Variants in NUP160 observed in about 807,000 individuals in gnomAD.
The protein encoded by NUP160 is nuclear pore complex protein Nup160.
A neutral mutation model predicts 196.9 loss-of-function variants in NUP160; 94 were observed. That is an observed-to-expected ratio of 0.48 (90% confidence interval 0.40 to 0.57). NUP160 has a LOEUF of 0.57. Ranked by LOEUF, NUP160 falls within the 20% of genes least tolerant of loss-of-function variation. NUP160 has a pLI of 0.00. For synonymous variants in NUP160, 605 were observed against 619.7 expected, an observed-to-expected ratio of 0.98 and a Z score of 0.35; for missense variants, 1,638 against 1,748.3, an observed-to-expected ratio of 0.94 and a Z score of 1.13.
At chr11:47,836,760 C>A in intron 6 of NUP160, 127 bp downstream of exon 6, 1 of 584,172 alleles carries the variant, frequency 1.7e-6, no homozygotes, top group Non-Finnish European at 3.1e-6. Flanking sequence ...CTGTCTGAAT[C>A]TGGCAGTGAC....
At chr11:47,827,596 C>A (rs1327622251) in intron 7 of NUP160, among the ~76,000 whole-genome samples, 1 of 151,800 alleles carries the variant, frequency 6.6e-6, no homozygotes, top group Non-Finnish European at 1.5e-5. Context: ...GTGGTCCCGG[C>A]AACTCTACTC....
chr11:47,815,272 T>C (rs554097143), intron 13 of NUP160: 7 of 394,822 alleles, frequency 1.8e-5, no homozygotes, highest in Non-Finnish European at 3.1e-5. Context: ...AAAAAAAGTA[T>C]AGAGAATAAC....
chr11:47,795,629 C>T (rs1350717090), intron 27 of NUP160, among the ~76,000 whole-genome samples: 2 of 152,162 alleles, frequency 1.3e-5, no homozygotes, highest in East Asian at 3.8e-4. Flanking sequence ...ATCTCACATT[C>T]CGCTCACATT....
At chr11:47,789,580 G>A (rs1405092323) in intron 29 of NUP160, among the ~76,000 whole-genome samples, 1 of 151,984 alleles carries the variant, frequency 6.6e-6, no homozygotes, top group Non-Finnish European at 1.5e-5. Context: ...CAACATTTTC[G>A]AAGTGCTACC....
At chr11:47,786,511 C>T (rs949364032) in exon 32 of NUP160, 1 of 1,614,078 alleles carries the variant, frequency 6.2e-7, no homozygotes, top group Admixed American at 1.7e-5. Context: ...CAGGCCCAGG[C>T]TTCTGCTTGT....
At chr11:47,832,647 T>G (rs1052148556) in intron 7 of NUP160, among the ~76,000 whole-genome samples, 1 of 152,228 alleles carries the variant, frequency 6.6e-6, no homozygotes. Flanking sequence ...TCGCCCTGCC[T>G]GGCAAACTAT....
intron 8 of NUP160, 54 bp from the exon 9 acceptor site, chr11:47,821,875 C>G: frequency 7.3e-7 from 1 of 1,376,924 alleles, no homozygotes; most frequent in Non-Finnish European, 1.0e-6. Context: ...AGTAGTAGTT[C>G]ACGGTGACTT....
intron 18 of NUP160, among the ~76,000 whole-genome samples, chr11:47,807,671 GA>G (rs993553556): frequency 4.6e-4 from 64 of 137,780 alleles, no homozygotes; most frequent in East Asian, 2.8e-3. Flanking sequence ...CCATCTCCAA[GA>G]AAAAAAAAAA....
Position 47,808,381 on chromosome 11 carries a change from G to A in NUP160, c.2375+15C>T. On this transcript the variant is annotated intron_variant, in intron 18 of 35. Coordinates refer to ENST00000378460, the Ensembl canonical transcript of NUP160. ...CACAATTTACATTTTAAATAATTGG[G>A]ATAATGAAACTCACAGTGTGTCAAG... The A allele has an allele frequency of 2.5e-6, 4 of 1,599,566 alleles. No individual in the cohort carries two copies. Among genetic ancestry groups the A allele is most frequent in the Non-Finnish European group, 3.4e-6 (4 of 1,171,686 alleles).
At chr11:47,797,153 G>GTTCACT (rs746359507) in intron 27 of NUP160, among the ~76,000 whole-genome samples, 88,039 of 151,946 alleles carry the variant, frequency 0.58, 25,771 homozygotes, top group Admixed American at 0.64. Context: ...ATGTGGAAAG[G>GTTCACT]GAGAAGGCTA....
chr11:47,846,205 G>A (rs117792041), intron 2 of NUP160, among the ~76,000 whole-genome samples: 35 of 151,148 alleles, frequency 2.3e-4, no homozygotes, highest in Middle Eastern at 7.0e-3. Flanking sequence ...TTGAACTCCC[G>A]GCCTCAAGAG....
At position 47,808,545 on chromosome 11, in the gene NUP160, A is replaced by G; in HGVS notation, c.2242-16T>C. On this transcript the variant is annotated splice_polypyrimidine_tract_variant and intron_variant, in intron 17 of 35. Coordinates refer to ENST00000378460, the Ensembl canonical transcript of NUP160. Reference sequence around the variant, plus strand: ...CCCAAATCACCTATACATTATGGGTAGGTGGACCAGACAAGAAATTATAGC... The same window carrying G: ...CCCAAATCACCTATACATTATGGGTGGGTGGACCAGACAAGAAATTATAGC... 1 of 1,606,496 alleles carries G rather than the reference A, an allele frequency of 6.2e-7. No homozygotes were observed. The highest frequency in any genetic ancestry group is 8.5e-7 in the Non-Finnish European group (1 of 1,176,760).
chr11:47,822,654 T>C (rs1335715395), intron 7 of NUP160, among the ~76,000 whole-genome samples: 1 of 152,098 alleles, frequency 6.6e-6, no homozygotes. Flanking sequence ...ACATGTGCCA[T>C]GTTGGTGTGC....
chr11:47,811,997 C>T (rs1328731661), intron 17 of NUP160, 67 bp downstream of exon 17: 4 of 1,468,154 alleles, frequency 2.7e-6, no homozygotes, highest in South Asian at 1.2e-5. Context: ...TGACATTTTG[C>T]TCCTAAGTGC....
intron 7 of NUP160, among the ~76,000 whole-genome samples, chr11:47,825,189 C>G (rs1292436121): frequency 1.3e-5 from 2 of 152,150 alleles, no homozygotes; most frequent in African/African-American, 4.8e-5. Flanking sequence ...GAGCTAGTCA[C>G]AAACTCCTGG....
At position 47,793,385 on chromosome 11, in the gene NUP160, C is replaced by A. The variant is rs143292876; in HGVS notation, c.3290-439G>T. On this transcript the variant is annotated intron_variant, in intron 27 of 35. Transcript: ENST00000378460. ...TGGGTTTGATGTAACCCCTGCCCCC[C>A]CTCCCCAAAATCACATGTTGGTGAG... Among the ~76,000 whole-genome samples, 1,102 of 152,136 alleles carry A rather than the reference C, an allele frequency of 7.2e-3. 7 individuals are homozygous for A. The highest frequency in any genetic ancestry group is 0.012 in the Non-Finnish European group (817 of 68,006).
chr11:47,822,504 C>T (rs903499802), intron 7 of NUP160, among the ~76,000 whole-genome samples: 6 of 151,998 alleles, frequency 3.9e-5, no homozygotes, highest in Admixed American at 3.9e-4. Context: ...GATGCGCCTG[C>T]CTCGGCCTCC....
chr11:47,846,953 A>T (rs558896658), intron 2 of NUP160, among the ~76,000 whole-genome samples: 1 of 152,282 alleles, frequency 6.6e-6, no homozygotes, highest in African/African-American at 2.4e-5. Context: ...GTTCCCATCC[A>T]AAAATGCAAT....
intron 5 of NUP160, among the ~76,000 whole-genome samples, chr11:47,837,276 C>T (rs982225504): frequency 5.3e-5 from 8 of 152,080 alleles, no homozygotes; most frequent in African/African-American, 9.7e-5. Context: ...TAATTTTACA[C>T]GAAACTGGAT....
Sources: allele counts gnomAD v4.1 joint callset (sites outside exome capture counted in the v4.1 genomes callset), GRCh38; gene constraint gnomAD v4.1.1; transcripts MANE v1.5; gene names NCBI Gene and HGNC (gene_info 2026-07-23, HGNC 2026-07-21).